The following C7orf78 variants were observed in gnomAD, a reference collection of about 807,000 sequenced individuals.
C7orf78 encodes chromosome 7 open reading frame 78, also known as putative uncharacterized protein C7orf78.
chr7:12,536,678 C>T, the C7orf78 span, among the ~76,000 whole-genome samples: 28,619 of 152,122 alleles, frequency 0.19, 2,889 homozygotes, highest in Middle Eastern at 0.26. Flanking sequence ...TGCTCTGCTT[C>T]CCTTATAAAA....
the C7orf78 span, among the ~76,000 whole-genome samples, chr7:12,531,947 A>G: frequency 6.6e-6 from 1 of 152,194 alleles, no homozygotes; most frequent in South Asian, 2.1e-4. Context: ...TCTGATTTAC[A>G]TAGAGCCCAC....
the C7orf78 span, among the ~76,000 whole-genome samples, chr7:12,493,729 T>C: frequency 6.6e-6 from 1 of 152,212 alleles, no homozygotes; most frequent in South Asian, 2.1e-4. Flanking sequence ...TTTCTTCATC[T>C]GTAAAATGAG....
the C7orf78 span, chr7:12,525,946 G>A: frequency 1.3e-5 from 5 of 395,552 alleles, no homozygotes; most frequent in African/African-American, 1.0e-4. Context: ...AAAAAACTCT[G>A]CATTCCATAT....
chr7:12,507,690 T>C, the C7orf78 span, among the ~76,000 whole-genome samples: 1 of 152,218 alleles, frequency 6.6e-6, no homozygotes, highest in Non-Finnish European at 1.5e-5. Context: ...AACAGCCTCA[T>C]TATATAGTAA....
At chr7:12,507,318 A>AG in the C7orf78 span, 1 of 160,082 alleles carries the variant, frequency 6.2e-6, no homozygotes, top group African/African-American at 2.4e-5. Context: ...AAAAAAAAAA[A>AG]AAAAAAGGCT....
At chr7:12,496,489 C>CT in the C7orf78 span, 18,835 of 152,176 alleles carry the variant, frequency 0.12, 1,363 homozygotes, top group Middle Eastern at 0.18. Context: ...CTACTGTCAT[C>CT]AAGGGTTAGT....
the C7orf78 span, among the ~76,000 whole-genome samples, chr7:12,526,213 C>T: frequency 6.6e-6 from 1 of 151,986 alleles, no homozygotes. Context: ...TTCACTGCCC[C>T]AAATCACCTA....
the C7orf78 span, among the ~76,000 whole-genome samples, chr7:12,487,897 A>G: frequency 1.3e-5 from 2 of 152,082 alleles, no homozygotes; most frequent in Admixed American, 6.6e-5. Flanking sequence ...GCAGCTCTCT[A>G]GCATGGGAAA....
chr7:12,518,321 T>G, the C7orf78 span, among the ~76,000 whole-genome samples: 4 of 152,144 alleles, frequency 2.6e-5, no homozygotes, highest in African/African-American at 9.7e-5. Context: ...GTGTTAGTTG[T>G]CCAGTTGAGC....
At chr7:12,538,324 G>A in the C7orf78 span, 2 of 152,138 alleles carry the variant, frequency 1.3e-5, no homozygotes, top group Admixed American at 6.5e-5. Context: ...AGGATCTGGG[G>A]AAGAGAACGT....
At chr7:12,524,981 C>T in the C7orf78 span, among the ~76,000 whole-genome samples, 1 of 152,058 alleles carries the variant, frequency 6.6e-6, no homozygotes, top group Non-Finnish European at 1.5e-5. Context: ...AATTGTGTAA[C>T]CACCAGATGT....
chr7:12,507,048 C>T, the C7orf78 span: 2 of 402,172 alleles, frequency 5.0e-6, no homozygotes, highest in African/African-American at 2.1e-5. Context: ...ACCCTGTAAT[C>T]CCAGCACTTT....
At chr7:12,521,644 C>CTTTTTT in the C7orf78 span, among the ~76,000 whole-genome samples, 21 of 124,772 alleles carry the variant, frequency 1.7e-4, no homozygotes, top group African/African-American at 5.9e-4. Flanking sequence ...TGGGTTTGGG[C>CTTTTTT]TTTTTTTTTT....
the C7orf78 span, among the ~76,000 whole-genome samples, chr7:12,535,125 T>C: frequency 2.0e-5 from 3 of 152,128 alleles, no homozygotes; most frequent in South Asian, 6.2e-4. Flanking sequence ...TGGACTACTA[T>C]TGCACACCCA....
chr7:12,503,838 GGT>G, the C7orf78 span, among the ~76,000 whole-genome samples: 1 of 152,030 alleles, frequency 6.6e-6, no homozygotes, highest in African/African-American at 2.4e-5. Flanking sequence ...GGCTGAGTGT[GGT>G]AGCTCACACC....
chr7:12,505,763 A>G, the C7orf78 span, among the ~76,000 whole-genome samples: 1 of 152,170 alleles, frequency 6.6e-6, no homozygotes, highest in Non-Finnish European at 1.5e-5. Flanking sequence ...ATGTAAAAGG[A>G]AAACTATGGT....
At chr7:12,486,717 G>C in the C7orf78 span, among the ~76,000 whole-genome samples, 1 of 151,898 alleles carries the variant, frequency 6.6e-6, no homozygotes, top group African/African-American at 2.4e-5. Flanking sequence ...ATTCAAATTT[G>C]TATTTGCACT....
the C7orf78 span, among the ~76,000 whole-genome samples, chr7:12,528,666 C>T: frequency 4.6e-5 from 7 of 152,164 alleles, no homozygotes; most frequent in East Asian, 1.9e-4. Flanking sequence ...CACTTTAGAA[C>T]GATGGGTCCA....
At chr7:12,484,306 A>C in the C7orf78 span, among the ~76,000 whole-genome samples, 2 of 152,206 alleles carry the variant, frequency 1.3e-5, no homozygotes, top group African/African-American at 4.8e-5. Context: ...TATGGAGGAA[A>C]TGTGACTTAA....
Sources: allele counts gnomAD v4.1 joint callset (sites outside exome capture counted in the v4.1 genomes callset), GRCh38; gene constraint gnomAD v4.1.1; transcripts MANE v1.5; gene names NCBI Gene and HGNC (gene_info 2026-07-23, HGNC 2026-07-21).